The following KIAA1217 variants were observed in gnomAD, a reference collection of about 807,000 sequenced individuals.
The protein encoded by KIAA1217 is KIAA1217, also known as sickle tail protein homolog.
In KIAA1217, 88 loss-of-function variants were observed where a neutral mutation model predicts 163.9. The observed-to-expected ratio is 0.54, with a 90% CI of 0.45 to 0.64. The LOEUF is 0.64. Among genes scored for constraint, KIAA1217 ranks in the 30% least tolerant of loss-of-function variants. The pLI, the probability that KIAA1217 is intolerant of heterozygous loss-of-function variation, is 0.00. For synonymous variants in KIAA1217, 903 were observed against 923.1 expected (o/e 0.98, Z 0.39); for missense variants, 2,372 against 2,475.0 (o/e 0.96, Z 0.88).
intron 6 of KIAA1217, among the ~76,000 whole-genome samples, chr10:24,476,494 C>T (rs545651084): frequency 6.6e-6 from 1 of 152,122 alleles, no homozygotes; most frequent in Non-Finnish European, 1.5e-5. Flanking sequence ...TGTTAGAAAA[C>T]CTTTTTAGAA....
chr10:24,425,990 A>G (rs2059138247), intron 3 of KIAA1217, among the ~76,000 whole-genome samples: 1 of 152,180 alleles, frequency 6.6e-6, no homozygotes, highest in Non-Finnish European at 1.5e-5. Flanking sequence ...CCATCAGAAA[A>G]CGCAATAAGA....
At chr10:24,525,261 T>A (rs1174041225) in intron 13 of KIAA1217, among the ~76,000 whole-genome samples, 2 of 152,098 alleles carry the variant, frequency 1.3e-5, no homozygotes, top group Admixed American at 6.5e-5. Context: ...AGCACTCCAC[T>A]GAGGTGAAGG....
Position 24,280,593 on chromosome 10 carries a change from C to CAT in KIAA1217, c.354+60684_354+60685insAT, listed in dbSNP as rs2077802540. Among the ~76,000 whole-genome samples, 95 of 152,040 alleles carry CAT rather than the reference C, an allele frequency of 6.2e-4. 2 individuals are homozygous for CAT. The highest frequency in any genetic ancestry group is 2.2e-3 in the African/African-American group (90 of 41,482). Reference sequence around the variant, plus strand: ...TTGGGAGGCGGAGGCGGGTGGATTGCGAGGTCAGGAGATCGAGACCATCCT... The same window carrying CAT: ...TTGGGAGGCGGAGGCGGGTGGATTGCATGAGGTCAGGAGATCGAGACCATCCT... On this transcript the variant is annotated intron_variant, in intron 2 of 20. Transcript: ENST00000376454.
At chr10:24,416,831 A>G (rs954985197) in intron 3 of KIAA1217, among the ~76,000 whole-genome samples, 3 of 152,084 alleles carry the variant, frequency 2.0e-5, no homozygotes, top group Non-Finnish European at 4.4e-5. Context: ...GGTTCCCTCC[A>G]TGTGCCCTGC....
At chr10:24,175,235 T>C (rs1003989812) in intron 2 of KIAA1217, among the ~76,000 whole-genome samples, 1 of 152,214 alleles carries the variant, frequency 6.6e-6, no homozygotes, top group Non-Finnish European at 1.5e-5. Flanking sequence ...GTATCATTCA[T>C]ATGCCTTTGC....
intron 1 of KIAA1217, among the ~76,000 whole-genome samples, chr10:23,984,757 T>C (rs1845903397): frequency 6.7e-6 from 1 of 148,844 alleles, no homozygotes; most frequent in African/African-American, 2.5e-5. Flanking sequence ...CACTGGGGCC[T>C]GTCAGGGGTT....
chr10:24,304,205 C>CTTT, intron 2 of KIAA1217, among the ~76,000 whole-genome samples: 2 of 125,530 alleles, frequency 1.6e-5, no homozygotes, highest in Non-Finnish European at 3.3e-5. Flanking sequence ...ATTAGGTTAC[C>CTTT]TTTTTTTTTT....
intron 1 of KIAA1217, among the ~76,000 whole-genome samples, chr10:23,805,964 C>T (rs1374333578): frequency 3.5e-5 from 4 of 115,464 alleles, no homozygotes; most frequent in Non-Finnish European, 6.4e-5. Flanking sequence ...TGCAGTGACT[C>T]GAGCCTGGGC....
intron 2 of KIAA1217, among the ~76,000 whole-genome samples, chr10:24,171,756 C>T (rs2065638214): frequency 6.6e-6 from 1 of 151,850 alleles, no homozygotes; most frequent in Non-Finnish European, 1.5e-5. Flanking sequence ...CATTGCACTC[C>T]AGACTGGACA....
intron 2 of KIAA1217, among the ~76,000 whole-genome samples, chr10:24,281,368 A>G (rs1418663458): frequency 6.6e-6 from 1 of 152,198 alleles, no homozygotes; most frequent in Non-Finnish European, 1.5e-5. Context: ...GTGGGAAAGA[A>G]CTTTATCAAT....
chr10:24,109,574 G>T (rs1050361855), intron 2 of KIAA1217, among the ~76,000 whole-genome samples: 3 of 152,152 alleles, frequency 2.0e-5, no homozygotes, highest in South Asian at 4.1e-4. Flanking sequence ...GTAAGTTCAT[G>T]GGGATCTGAA....
chr10:23,927,205 A>G (rs1843058077), intron 1 of KIAA1217, among the ~76,000 whole-genome samples: 1 of 151,990 alleles, frequency 6.6e-6, no homozygotes, highest in African/African-American at 2.4e-5. Context: ...CTATGCTGGG[A>G]TCCCAAAGTG....
At chr10:23,926,691 C>T (rs1419378428) in intron 1 of KIAA1217, among the ~76,000 whole-genome samples, 1 of 151,494 alleles carries the variant, frequency 6.6e-6, no homozygotes, top group Non-Finnish European at 1.5e-5. Context: ...TGCCATTGCA[C>T]TCCAGCCTGG....
At chr10:23,858,320 G>A (rs140986156) in intron 1 of KIAA1217, among the ~76,000 whole-genome samples, 89 of 152,252 alleles carry the variant, frequency 5.8e-4, no homozygotes, top group African/African-American at 2.1e-3. Context: ...CATGATGACA[G>A]TTGTAATTTT....
chr10:23,882,715 G>C (rs576360575), intron 1 of KIAA1217, among the ~76,000 whole-genome samples: 1 of 151,878 alleles, frequency 6.6e-6, no homozygotes. Flanking sequence ...TCTCAGCAAT[G>C]TTTCTCATGC....
At chr10:23,810,539 T>G (rs1049139459) in intron 1 of KIAA1217, among the ~76,000 whole-genome samples, 1 of 132,122 alleles carries the variant, frequency 7.6e-6, no homozygotes, top group African/African-American at 2.8e-5. Context: ...ATAGTATATA[T>G]AGTATAATCT....
chr10:24,503,979 G>A (rs963606382), intron 9 of KIAA1217, among the ~76,000 whole-genome samples: 2 of 152,206 alleles, frequency 1.3e-5, no homozygotes, highest in African/African-American at 4.8e-5. Flanking sequence ...CATAAATGCC[G>A]CACTTCCCCT....
At chr10:24,008,803 T>C (rs559373917) in intron 2 of KIAA1217, among the ~76,000 whole-genome samples, 1 of 152,258 alleles carries the variant, frequency 6.6e-6, no homozygotes, top group South Asian at 2.1e-4. Flanking sequence ...ACCGCCCCAT[T>C]AGATGCTGCC....
rs184364510 is a variant in KIAA1217, at chr10:24,219,270, C to T, written c.71-356C>T. Among the ~76,000 whole-genome samples the T allele has an allele frequency of 8.2e-3, 1,242 of 152,128 alleles. 16 individuals are homozygous for T. Among genetic ancestry groups the T allele is most frequent in the African/African-American group, 0.029 (1,193 of 41,518 alleles). On this transcript the variant is annotated intron_variant, in intron 1 of 20. Coordinates refer to ENST00000376454, the MANE Select transcript of KIAA1217 (RefSeq NM_019590.5). Reference sequence around the variant, plus strand: ...CTGGGACCACAGGCGTGCACCACTACGCCTGGCTAATTTTAATTTTTTGTA... The same window carrying T: ...CTGGGACCACAGGCGTGCACCACTATGCCTGGCTAATTTTAATTTTTTGTA...
Sources: gnomAD v4.1 joint callset for allele counts (sites outside exome capture counted in the v4.1 genomes callset) on GRCh38, gnomAD v4.1.1 for gene constraint, MANE v1.5 for transcripts, NCBI Gene and HGNC (gene_info 2026-07-23, HGNC 2026-07-21) for gene names.